The following PLD5 variants were observed in gnomAD, a reference collection of about 807,000 sequenced individuals.
PLD5 encodes the protein inactive phospholipase D5.
In PLD5, 36 loss-of-function variants were observed where a neutral mutation model predicts 61.1. The observed-to-expected ratio is 0.59, with a 90% CI of 0.45 to 0.78. PLD5 has a LOEUF of 0.78. Ranked by LOEUF, PLD5 falls within the 30% of genes least tolerant of loss-of-function variation. The probability of loss-of-function intolerance (pLI) is 0.00; values close to 1 mark genes in which losing one functional copy is unlikely to be tolerated. For missense variants in PLD5, 515 were observed against 644.4 expected (o/e 0.80, Z 2.17); for synonymous variants, 243 against 242.8 (o/e 1.00, Z -0.01).
intron 5 of PLD5, among the ~76,000 whole-genome samples, chr1:242,136,264 T>C (rs1396382661): frequency 6.6e-6 from 1 of 152,208 alleles, no homozygotes; most frequent in Non-Finnish European, 1.5e-5. Context: ...TCCCATGAAT[T>C]TGAATCAGGT....
chr1:242,200,626 C>T (rs1291697182), intron 5 of PLD5, among the ~76,000 whole-genome samples: 2 of 112,874 alleles, frequency 1.8e-5, no homozygotes, highest in East Asian at 4.1e-4. Context: ...CAGTGTGGCA[C>T]AGGCAAAAAA....
intron 5 of PLD5, among the ~76,000 whole-genome samples, chr1:242,163,584 A>AAATAAATTCTTTCTAATAAATGTG (rs1178381698): frequency 2.0e-5 from 3 of 152,150 alleles, no homozygotes; most frequent in Non-Finnish European, 2.9e-5. Context: ...TCATGTCAGA[A>AAATAAATTCTTTCTAATAAATGTG]AATAAATTCT....
At chr1:242,461,486 A>T (rs1667117369) in intron 1 of PLD5, among the ~76,000 whole-genome samples, 1 of 152,184 alleles carries the variant, frequency 6.6e-6, no homozygotes. Context: ...TTTATTTTTA[A>T]AAAGTCACAT....
chr1:242,521,879 T>A (rs2103013201), intron 1 of PLD5, among the ~76,000 whole-genome samples: 1 of 152,330 alleles, frequency 6.6e-6, no homozygotes, highest in Admixed American at 6.5e-5. Context: ...TCTCAAACAT[T>A]AATTTCTATT....
At chr1:242,480,051 G>GA (rs199551635) in intron 1 of PLD5, among the ~76,000 whole-genome samples, 25,509 of 131,984 alleles carry the variant, frequency 0.19, 2,757 homozygotes, top group Non-Finnish European at 0.27. Context: ...CTCTGTCTCA[G>GA]AAAAAAAAAA....
chr1:242,434,599 C>T (rs1372032413), intron 1 of PLD5, among the ~76,000 whole-genome samples: 1 of 151,868 alleles, frequency 6.6e-6, no homozygotes, highest in Non-Finnish European at 1.5e-5. Flanking sequence ...TTGAGACATC[C>T]CTTGTTTTAT....
intron 5 of PLD5, among the ~76,000 whole-genome samples, chr1:242,172,480 G>C (rs1666822415): frequency 6.6e-6 from 1 of 152,048 alleles, no homozygotes; most frequent in Non-Finnish European, 1.5e-5. Flanking sequence ...AGAGAAGCAA[G>C]AGCAAACAAA....
chr1:242,487,471 A>T (rs1668001310), intron 1 of PLD5, among the ~76,000 whole-genome samples: 3 of 152,196 alleles, frequency 2.0e-5, no homozygotes, highest in African/African-American at 7.2e-5. Flanking sequence ...AATCTAGGTG[A>T]CCTTGGGTTT....
chr1:242,248,047 G>T (rs553268891), intron 4 of PLD5, among the ~76,000 whole-genome samples: 1 of 152,218 alleles, frequency 6.6e-6, no homozygotes, highest in East Asian at 1.9e-4. Flanking sequence ...TATCAAGTTG[G>T]TATAACTATG....
intron 5 of PLD5, among the ~76,000 whole-genome samples, chr1:242,208,636 T>A (rs1669596176): frequency 6.6e-6 from 1 of 152,194 alleles, no homozygotes; most frequent in African/African-American, 2.4e-5. Flanking sequence ...CTGGTCAGTT[T>A]GTTCTCCCTG....
chr1:242,143,210 CTTTTT>C (rs1166615102), intron 5 of PLD5, among the ~76,000 whole-genome samples: 1 of 151,564 alleles, frequency 6.6e-6, no homozygotes, highest in South Asian at 2.1e-4. Flanking sequence ...TTCTTTTTTT[CTTTTT>C]TCTTTTTTTG....
intron 1 of PLD5, among the ~76,000 whole-genome samples, chr1:242,480,273 T>C (rs1390653676): frequency 1.3e-5 from 2 of 152,064 alleles, no homozygotes; most frequent in African/African-American, 4.8e-5. Flanking sequence ...GGGTAGCCCT[T>C]TCAAAAAATG....
intron 2 of PLD5, among the ~76,000 whole-genome samples, chr1:242,321,295 TTC>T (rs891238501): frequency 2.6e-5 from 4 of 151,176 alleles, no homozygotes; most frequent in African/African-American, 7.3e-5. Flanking sequence ...CTTTCTTTCT[TTC>T]TCTCTCTCTC....
At chr1:242,136,242 T>C (rs2148774191) in intron 5 of PLD5, among the ~76,000 whole-genome samples, 1 of 152,342 alleles carries the variant, frequency 6.6e-6, no homozygotes, top group Middle Eastern at 3.4e-3. Flanking sequence ...AACCTCATTC[T>C]CCTATGGCTG....
At chr1:242,529,817 T>TCCTTCCTTCCTTCCTC in the PLD5 span, among the ~76,000 whole-genome samples, 1 of 148,098 alleles carries the variant, frequency 6.8e-6, no homozygotes, top group African/African-American at 2.5e-5. Context: ...CTTCCTTCCT[T>TCCTTCCTTCCTTCCTC]CCTTCCTTCT....
chr1:242,477,081 C>G (rs1227828656), intron 1 of PLD5, among the ~76,000 whole-genome samples: 4 of 152,214 alleles, frequency 2.6e-5, no homozygotes, highest in Non-Finnish European at 1.5e-5. Flanking sequence ...GAAACCGCAT[C>G]TCTTCTAAAA....
chr1:242,364,633 T>G (rs564065960), intron 1 of PLD5, among the ~76,000 whole-genome samples: 8 of 152,174 alleles, frequency 5.3e-5, no homozygotes, highest in African/African-American at 1.9e-4. Context: ...TGAGAATCGT[T>G]TAAACCCAGG....
At chr1:242,440,706 T>TTC (rs1375992158) in intron 1 of PLD5, among the ~76,000 whole-genome samples, 1 of 152,180 alleles carries the variant, frequency 6.6e-6, no homozygotes, top group African/African-American at 2.4e-5. Context: ...ATCCACAGAC[T>TTC]TCTCTTCCTC....
chr1:242,211,569 C>T (rs950792683), intron 5 of PLD5, among the ~76,000 whole-genome samples: 1 of 152,164 alleles, frequency 6.6e-6, no homozygotes, highest in Non-Finnish European at 1.5e-5. Flanking sequence ...TCTTCGGCTG[C>T]TGGTGCCGGC....
Sources: allele counts gnomAD v4.1 joint callset (sites outside exome capture counted in the v4.1 genomes callset), GRCh38; gene constraint gnomAD v4.1.1; transcripts MANE v1.5; gene names NCBI Gene and HGNC (gene_info 2026-07-23, HGNC 2026-07-21).